NEDD9: variants seen among roughly 807,000 people sequenced by gnomAD.
NEDD9 encodes the protein enhancer of filamentation 1.
Under a neutral mutation model 76.6 loss-of-function variants are expected in NEDD9, and 26 were observed. That is an observed-to-expected ratio of 0.34 (90% confidence interval 0.25 to 0.47). The LOEUF is 0.47. NEDD9 is among the 20% of genes least tolerant of loss of function. The pLI is 1.00. For synonymous variants in NEDD9, 392 were observed against 414.2 expected (o/e 0.95, Z 0.65); for missense variants, 937 against 1,058.5 (o/e 0.89, Z 1.59).
intron 1 of NEDD9, among the ~76,000 whole-genome samples, chr6:11,365,336 T>C (rs1762741602): frequency 6.6e-6 from 1 of 152,130 alleles, no homozygotes; most frequent in African/African-American, 2.4e-5. Context: ...TAATAAGTCA[T>C]AGCTTAGTTA....
chr6:11,381,972 G>C (rs773583304), intron 1 of NEDD9, among the ~76,000 whole-genome samples: 17 of 152,152 alleles, frequency 1.1e-4, no homozygotes, highest in Non-Finnish European at 2.4e-4. Flanking sequence ...CTTGGAGACC[G>C]GGAGTCACTC....
chr6:11,360,938 A>G (rs1762670076), intron 1 of NEDD9, among the ~76,000 whole-genome samples: 2 of 152,218 alleles, frequency 1.3e-5, no homozygotes, highest in African/African-American at 4.8e-5. Flanking sequence ...CTGTCCACCC[A>G]GATTCTAGAG....
At chr6:11,354,938 G>A (rs549078788) in intron 1 of NEDD9, among the ~76,000 whole-genome samples, 1 of 152,332 alleles carries the variant, frequency 6.6e-6, no homozygotes, top group African/African-American at 2.4e-5. Flanking sequence ...GGTTCAAAGA[G>A]GGACCATGTC....
exon 3 of NEDD9, chr6:11,306,070 C>T: frequency 6.3e-7 from 1 of 1,592,632 alleles, no homozygotes; most frequent in Non-Finnish European, 8.6e-7. Context: ...ACTCTTCTGA[C>T]CAGTTTCTTC....
chr6:11,257,085 G>A (rs936897811), intron 3 of NEDD9, among the ~76,000 whole-genome samples: 1 of 152,150 alleles, frequency 6.6e-6, no homozygotes, highest in African/African-American at 2.4e-5. Flanking sequence ...TTGGACTCTT[G>A]GTCCCAGACC....
At chr6:11,195,168 C>T (rs1037933735) in intron 2 of NEDD9, among the ~76,000 whole-genome samples, 7 of 152,236 alleles carry the variant, frequency 4.6e-5, no homozygotes, top group Admixed American at 4.6e-4. Context: ...TCTCCCCAGG[C>T]GCTCTCAAAA....
At chr6:11,368,819 C>A (rs1282160468) in intron 1 of NEDD9, among the ~76,000 whole-genome samples, 1 of 152,110 alleles carries the variant, frequency 6.6e-6, no homozygotes, top group East Asian at 1.9e-4. Flanking sequence ...TTCTTTACAT[C>A]CCTTCTCTTT....
chr6:11,306,262 T>C, intron 2 of NEDD9: 2 of 532,410 alleles, frequency 3.8e-6, no homozygotes, highest in Non-Finnish European at 6.8e-6. Context: ...GCCAAATCCA[T>C]AGTCTTGTGA....
intron 1 of NEDD9, chr6:11,352,647 C>G (rs911015549): frequency 6.6e-6 from 1 of 152,162 alleles, no homozygotes; most frequent in African/African-American, 2.4e-5. Context: ...TGACTTCAGG[C>G]AAGTGATTGA....
intron 2 of NEDD9, chr6:11,200,159 G>C (rs1362430068): frequency 3.9e-6 from 1 of 257,972 alleles, no homozygotes; most frequent in African/African-American, 2.3e-5. Context: ...TGGGTAAGGG[G>C]GAACATTGGA....
chr6:11,290,971 A>G (rs909950242), intron 3 of NEDD9, among the ~76,000 whole-genome samples: 1 of 152,056 alleles, frequency 6.6e-6, no homozygotes, highest in Admixed American at 6.6e-5. Context: ...CCTGCTCCCT[A>G]ACATGTCCCA....
chr6:11,295,024 G>T (rs373856889), intron 3 of NEDD9, among the ~76,000 whole-genome samples: 1 of 152,214 alleles, frequency 6.6e-6, no homozygotes, highest in Non-Finnish European at 1.5e-5. Context: ...CATGAAAGAC[G>T]TGCCTTTGCT....
chr6:11,192,932 CAA>C (rs71550759), intron 3 of NEDD9, among the ~76,000 whole-genome samples: 328 of 28,118 alleles, frequency 0.012, 1 homozygote, highest in African/African-American at 0.047. Flanking sequence ...GACTCTGTCT[CAA>C]AAAAAAAAAA....
At chr6:11,345,164 T>G (rs1762342030) in intron 1 of NEDD9, among the ~76,000 whole-genome samples, 1 of 152,058 alleles carries the variant, frequency 6.6e-6, no homozygotes, top group African/African-American at 2.4e-5. Context: ...AACTTACAGA[T>G]TCTTAGAGAA....
chr6:11,214,745 A>G (rs1424000217), intron 1 of NEDD9, among the ~76,000 whole-genome samples: 1 of 152,234 alleles, frequency 6.6e-6, no homozygotes, highest in East Asian at 1.9e-4. Context: ...CCCTTCCCAG[A>G]GCACAGCGAA....
intron 1 of NEDD9, among the ~76,000 whole-genome samples, chr6:11,341,038 C>T (rs566145103): frequency 5.3e-5 from 8 of 152,246 alleles, no homozygotes; most frequent in South Asian, 2.1e-4. Context: ...TTTCCATTGA[C>T]GTCCCCCTGT....
At chr6:11,288,690 G>A (rs1176988581) in intron 3 of NEDD9, among the ~76,000 whole-genome samples, 2 of 152,202 alleles carry the variant, frequency 1.3e-5, no homozygotes, top group Non-Finnish European at 2.9e-5. Context: ...TGGCTGACCA[G>A]CCCCTTCTGT....
chr6:11,200,076 G>T, intron 2 of NEDD9: 1 of 223,170 alleles, frequency 4.5e-6, no homozygotes, highest in Admixed American at 5.1e-5. Flanking sequence ...TTTCAAGCCT[G>T]GGGGCATTTG....
chr6:11,304,527 T>C (rs1761129863), intron 3 of NEDD9, among the ~76,000 whole-genome samples: 1 of 152,218 alleles, frequency 6.6e-6, no homozygotes, highest in South Asian at 2.1e-4. Context: ...TGGGGCACTA[T>C]TCACAATAGC....
Sources: gnomAD v4.1 joint callset for allele counts (sites outside exome capture counted in the v4.1 genomes callset) on GRCh38, gnomAD v4.1.1 for gene constraint, MANE v1.5 for transcripts, NCBI Gene and HGNC (gene_info 2026-07-23, HGNC 2026-07-21) for gene names.